LRRC4C: variants seen among roughly 807,000 people sequenced by gnomAD.
LRRC4C encodes the protein leucine rich repeat containing 4C.
Under a neutral mutation model 33.6 loss-of-function variants are expected in LRRC4C, and 5 were observed. The ratio of observed to expected loss-of-function variants is 0.15; its 90% CI spans 0.08 to 0.31. LRRC4C has a LOEUF of 0.31. Among genes scored for constraint, LRRC4C ranks in the 10% least tolerant of loss-of-function variants. The pLI is 1.00. For synonymous variants in LRRC4C, 329 were observed against 302.0 expected, an observed-to-expected ratio of 1.09 and a Z score of -0.93; for missense variants, 560 against 796.7, an observed-to-expected ratio of 0.70 and a Z score of 3.58.
intron 3 of LRRC4C, among the ~76,000 whole-genome samples, chr11:40,485,020 G>A (rs1490314826): frequency 6.6e-6 from 1 of 151,954 alleles, no homozygotes; most frequent in African/African-American, 2.4e-5. Context: ...AAAAGACCTG[G>A]CATCCAGATC....
intron 1 of LRRC4C, among the ~76,000 whole-genome samples, chr11:41,342,701 C>A (rs894963736): frequency 1.3e-5 from 2 of 152,034 alleles, no homozygotes; most frequent in Admixed American, 1.3e-4. Context: ...GGCAACAGAG[C>A]GAGACTCCAT....
intron 2 of LRRC4C, among the ~76,000 whole-genome samples, chr11:40,873,093 T>G (rs1954727457): frequency 6.6e-6 from 1 of 152,146 alleles, no homozygotes; most frequent in African/African-American, 2.4e-5. Context: ...CCTGGTGAAG[T>G]CCTCATGTTT....
intron 1 of LRRC4C, among the ~76,000 whole-genome samples, chr11:41,268,973 T>C (rs181253781): frequency 6.6e-6 from 1 of 152,248 alleles, no homozygotes; most frequent in African/African-American, 2.4e-5. Context: ...CTGGGCACAG[T>C]TAATCATGAC....
chr11:40,759,856 A>G (rs572194076), intron 2 of LRRC4C, among the ~76,000 whole-genome samples: 1 of 152,072 alleles, frequency 6.6e-6, no homozygotes, highest in Admixed American at 6.6e-5. Flanking sequence ...ATCTTTGTTG[A>G]AAGTCGGGAA....
At chr11:41,065,010 G>GT (rs1938111949) in intron 1 of LRRC4C, among the ~76,000 whole-genome samples, 1 of 152,184 alleles carries the variant, frequency 6.6e-6, no homozygotes, top group African/African-American at 2.4e-5. Context: ...AGCTGCACGA[G>GT]TTTTTTCACA....
intron 2 of LRRC4C, among the ~76,000 whole-genome samples, chr11:40,660,811 T>A (rs895852330): frequency 6.6e-5 from 10 of 152,196 alleles, no homozygotes; most frequent in African/African-American, 2.4e-4. Flanking sequence ...ATTCTCACCG[T>A]GTGAATGTGA....
At chr11:41,419,479 G>T (rs1395376401) in intron 1 of LRRC4C, among the ~76,000 whole-genome samples, 1 of 151,810 alleles carries the variant, frequency 6.6e-6, no homozygotes, top group Admixed American at 6.6e-5. Context: ...ACTGTGAGGG[G>T]CCATGTCTAT....
chr11:40,214,266 C>A (rs930881590), intron 5 of LRRC4C, among the ~76,000 whole-genome samples: 9 of 152,264 alleles, frequency 5.9e-5, no homozygotes, highest in African/African-American at 2.2e-4. Flanking sequence ...AGCACATGTG[C>A]CCTTCCCCTA....
chr11:40,770,021 A>G (rs544981630), intron 2 of LRRC4C, among the ~76,000 whole-genome samples: 4 of 152,140 alleles, frequency 2.6e-5, no homozygotes, highest in African/African-American at 7.2e-5. Context: ...ATATCAAGTT[A>G]AAAAAAATTC....
At chr11:40,342,580 A>C (rs2137020386) in intron 3 of LRRC4C, among the ~76,000 whole-genome samples, 1 of 152,328 alleles carries the variant, frequency 6.6e-6, no homozygotes. Flanking sequence ...ACCACTTGGT[A>C]GAAAAATAAA....
chr11:41,171,415 T>C lies in LRRC4C; in HGVS notation c.-495-237692A>G, dbSNP rs1251486271. Among the ~76,000 whole-genome samples the C allele has an allele frequency of 2.6e-5, 4 of 152,100 alleles. No homozygotes were observed. In the South Asian group the frequency reaches 6.2e-4, roughly 24 times the overall value. On this transcript the variant is annotated intron_variant, in intron 1 of 6. Coordinates refer to ENST00000528697, the MANE Select transcript of LRRC4C (RefSeq NM_001258419.2). Reference sequence around the variant, plus strand: ...GGCACATATACACCATGGAATACTATGCAGCCATAAAAAGGATGAGTTCAT... The same window carrying C: ...GGCACATATACACCATGGAATACTACGCAGCCATAAAAAGGATGAGTTCAT...
chr11:40,917,670 T>G (rs1957018788), intron 2 of LRRC4C, among the ~76,000 whole-genome samples: 1 of 152,162 alleles, frequency 6.6e-6, no homozygotes. Flanking sequence ...AGGCTTACTC[T>G]TCTCCCTTTA....
intron 1 of LRRC4C, among the ~76,000 whole-genome samples, chr11:41,326,680 A>C (rs1951129407): frequency 6.6e-6 from 1 of 152,202 alleles, no homozygotes; most frequent in Non-Finnish European, 1.5e-5. Context: ...CATGATACAC[A>C]GCAAGATACA....
chr11:40,189,422 T>C lies in LRRC4C; in HGVS notation c.-95-48569A>G, dbSNP rs149294752. On this transcript the variant is annotated intron_variant, in intron 5 of 6. Transcript: ENST00000528697. ...GACAAAAAAATATAACCTATTTGCT[T>C]TGGTTTTATAGTTAGGAAGACCTGG... Among the ~76,000 whole-genome samples, 10 of 152,304 alleles carry C rather than the reference T, an allele frequency of 6.6e-5. No individual in the cohort carries two copies. The East Asian group carries it at 1.9e-3, about 29-fold the overall frequency.
At chr11:41,290,900 G>T (rs1425659564) in intron 1 of LRRC4C, among the ~76,000 whole-genome samples, 1 of 152,106 alleles carries the variant, frequency 6.6e-6, no homozygotes, top group Non-Finnish European at 1.5e-5. Context: ...TTCCTGCCAA[G>T]AAACAAATTA....
intron 2 of LRRC4C, among the ~76,000 whole-genome samples, chr11:40,650,383 C>G (rs925754347): frequency 1.3e-5 from 2 of 152,132 alleles, no homozygotes; most frequent in African/African-American, 2.4e-5. Flanking sequence ...GTCATCCTGA[C>G]CCAGCATGAT....
chr11:41,225,604 G>A (rs1026887519), intron 1 of LRRC4C, among the ~76,000 whole-genome samples: 1 of 152,008 alleles, frequency 6.6e-6, no homozygotes, highest in Non-Finnish European at 1.5e-5. Flanking sequence ...TTCGAGACTA[G>A]CCTGGGCAAC....
At chr11:40,696,287 T>TATATATATATACAC in intron 2 of LRRC4C, among the ~76,000 whole-genome samples, 1 of 97,168 alleles carries the variant, frequency 1.0e-5, no homozygotes, top group African/African-American at 7.7e-5. Context: ...GCCACATATA[T>TATATATATATACAC]ATATATATAT....
chr11:41,280,993 A>C (rs1200639010), intron 1 of LRRC4C, among the ~76,000 whole-genome samples: 1 of 149,070 alleles, frequency 6.7e-6, no homozygotes, highest in African/African-American at 2.5e-5. Context: ...CAATTAGCCT[A>C]GTATTTTTTT....
Sources: allele counts gnomAD v4.1 joint callset (sites outside exome capture counted in the v4.1 genomes callset), GRCh38; gene constraint gnomAD v4.1.1; transcripts MANE v1.5; gene names NCBI Gene and HGNC (gene_info 2026-07-23, HGNC 2026-07-21).